The following PAQR3 variants were observed in gnomAD, a reference collection of about 807,000 sequenced individuals.
The protein encoded by PAQR3 is Raf kinase trapping to Golgi.
A neutral mutation model predicts 41.7 loss-of-function variants in PAQR3; 39 were observed. The ratio of observed to expected loss-of-function variants is 0.93; its 90% confidence interval spans 0.72 to 1.22. The LOEUF (loss-of-function observed/expected upper bound fraction) is 1.22, where lower values mean the gene tolerates loss of function less well. Ranked by LOEUF, PAQR3 falls within the 50% of genes most tolerant of loss-of-function variation. PAQR3 has a pLI of 0.00. For synonymous variants in PAQR3, 140 were observed against 140.6 expected, an observed-to-expected ratio of 1.00 and a Z score of 0.03; for missense variants, 366 against 385.6, an observed-to-expected ratio of 0.95 and a Z score of 0.42.
At chr4:78,909,194 T>C (rs923530503), downstream of PAQR3, among the ~76,000 whole-genome samples, 1 of 150,702 alleles carries the variant, frequency 6.6e-6, no homozygotes, top group Non-Finnish European at 1.5e-5. Context: ...CCTGCCAACA[T>C]GCCTGGCTAA....
At chr4:78,934,191 G>A (rs1215120554) in intron 2 of PAQR3, among the ~76,000 whole-genome samples, 1 of 152,064 alleles carries the variant, frequency 6.6e-6, no homozygotes, top group African/African-American at 2.4e-5. Flanking sequence ...CCAAAAATTG[G>A]AATTAATAAA....
intron 11 of PAQR3, among the ~76,000 whole-genome samples, chr4:78,901,924 C>T (rs780419642): frequency 6.6e-6 from 1 of 152,264 alleles, no homozygotes; most frequent in Admixed American, 6.5e-5. Flanking sequence ...AGACCCACCT[C>T]GTGGGCTTTA....
rs1228645376 is a variant in PAQR3 at position 78,913,627 on chromosome 4, A to C, written c.*6912T>G. 6.6e-6 allele frequency: 1 copy of C among 152,318 alleles called. No individual in the cohort carries two copies. Among genetic ancestry groups the C allele is most frequent in the Non-Finnish European group, 1.5e-5 (1 of 67,994 alleles). 9.4% of individuals were successfully genotyped at this position (152,318 alleles called of 1,614,324 possible). A position where few individuals can be genotyped will look rare whatever the true frequency, so the allele number is the denominator to read the frequency against. On this transcript the variant is annotated 3_prime_UTR_variant, in exon 6 of 6. Coordinates refer to ENST00000512733, the MANE Select transcript of PAQR3 (RefSeq NM_001040202.2). ...AGTATATTTTACGAGTAATTTTATT[A>C]GGAATCTCTTATAGTGCCCCAATGG...
At chr4:78,932,466 TG>T (rs1164288132) in intron 2 of PAQR3, among the ~76,000 whole-genome samples, 1 of 152,048 alleles carries the variant, frequency 6.6e-6, no homozygotes, top group Non-Finnish European at 1.5e-5. Context: ...GACTGTAGCT[TG>T]GAAGTAGGTA....
Position 78,916,797 on chromosome 4 carries a change from T to TATCA in PAQR3, c.*3738_*3741dup, listed in dbSNP as rs558063148. 1 of 151,948 alleles carries TATCA rather than the reference T, an allele frequency of 6.6e-6. No individual in the cohort carries two copies. Among genetic ancestry groups the TATCA allele is most frequent in the Non-Finnish European group, 1.5e-5 (1 of 67,882 alleles). The allele number at this position is 151,948 out of a possible 1,614,324, so 9.4% of individuals were successfully genotyped here. A position where few individuals can be genotyped will look rare whatever the true frequency, so the allele number is the denominator to read the frequency against. On this transcript the variant is annotated 3_prime_UTR_variant, in exon 6 of 6. Transcript: ENST00000512733. ...TAAATAACATTGTAATCCTCAATTA[T>TATCA]ATCAGAAAAGAGGCTATGACACATT...
chr4:78,902,650 A>G (rs558220462), intron 11 of PAQR3, among the ~76,000 whole-genome samples: 3 of 152,270 alleles, frequency 2.0e-5, no homozygotes, highest in Admixed American at 2.0e-4. Context: ...GATAGGTAAG[A>G]AAAGAACATC....
Position 78,915,783 on chromosome 4 carries a change from A to G in PAQR3, c.*4756T>C, listed in dbSNP as rs1326793118. The G allele has an allele frequency of 6.6e-6, 1 of 151,998 alleles. No individual in the cohort carries two copies. Among genetic ancestry groups the G allele is most frequent in the Non-Finnish European group, 1.5e-5 (1 of 67,904 alleles). The allele number at this position is 151,998 out of a possible 1,614,324, so 9.4% of individuals were successfully genotyped here. ...AAGAGAATAAGGTAGATGATAATGCAAAGGGTCATGATTTGGGGTTATTTT... is the reference window on the plus strand; with the variant it reads ...AAGAGAATAAGGTAGATGATAATGCGAAGGGTCATGATTTGGGGTTATTTT... On this transcript the variant is annotated 3_prime_UTR_variant, in exon 6 of 6. Transcript: ENST00000512733.
chr4:78,903,125 C>T (rs1734102225), intron 11 of PAQR3, among the ~76,000 whole-genome samples: 1 of 151,816 alleles, frequency 6.6e-6, no homozygotes, highest in Non-Finnish European at 1.5e-5. Flanking sequence ...CCATACAATA[C>T]CTTGCTGAAT....
rs183394796 is a variant in PAQR3, at chr4:78,900,220, T to G, written c.*836+5888A>C. 2.6e-3 allele frequency among the ~76,000 whole-genome samples: 393 copies of G among 152,350 alleles called. 1 individual carries two copies. The highest frequency in any genetic ancestry group is 4.4e-3 in the Non-Finnish European group (302 of 68,026). Reference sequence around the variant, plus strand: ...TATCTTATTGACATTTTGTTTTCTCTTTAAGAATACAGTGTATAATATAAC... The same window carrying G: ...TATCTTATTGACATTTTGTTTTCTCGTTAAGAATACAGTGTATAATATAAC... On this transcript the variant is annotated intron_variant and NMD_transcript_variant, in intron 11 of 12. Coordinates refer to the PAQR3 transcript ENST00000342820.
chr4:78,911,910 T>A lies in PAQR3; in HGVS notation c.*8629A>T, dbSNP rs1197959455. The A allele has an allele frequency of 6.2e-7, 1 of 1,613,860 alleles. No homozygotes were observed. Among genetic ancestry groups the A allele is most frequent in the Non-Finnish European group, 8.5e-7 (1 of 1,179,890 alleles). Reference sequence around the variant, plus strand: ...ATAGTGCAGATGTATTGAAAATGGATGATTTTGGTGCCGTGCCCTTTACAG... The same window carrying A: ...ATAGTGCAGATGTATTGAAAATGGAAGATTTTGGTGCCGTGCCCTTTACAG... On this transcript the variant is annotated 3_prime_UTR_variant, in exon 6 of 6. Coordinates refer to ENST00000512733, the MANE Select transcript of PAQR3 (RefSeq NM_001040202.2).
rs144653564 is a variant in PAQR3, at chr4:78,900,397, G to C, written c.*836+5711C>G. ...ACCTCTAATCCCCTCATTGTTCAAG[G>C]CTCAACTGTATATAGAAAGACTGAA... On this transcript the variant is annotated intron_variant and NMD_transcript_variant, in intron 11 of 12. Transcript: ENST00000342820. 4.4e-3 allele frequency among the ~76,000 whole-genome samples: 677 copies of C among 152,228 alleles called. 2 individuals carry two copies. The highest frequency in any genetic ancestry group is 0.015 in the African/African-American group (640 of 41,554).
chr4:78,927,588 G>A (rs1482291041), intron 3 of PAQR3, among the ~76,000 whole-genome samples: 2 of 152,254 alleles, frequency 1.3e-5, no homozygotes, highest in African/African-American at 4.8e-5. Context: ...AGGAAAGCCT[G>A]ACTGTTTTTG....
chr4:78,939,023 A>G lies in PAQR3; in HGVS notation c.185+17T>C. On this transcript the variant is annotated intron_variant, in intron 1 of 5. Coordinates refer to ENST00000512733, the MANE Select transcript of PAQR3 (RefSeq NM_001040202.2). Reference sequence around the variant, plus strand: ...TGAGAGAAGGGGGCACTCCAGGCGGAGGCAGCCAGACCGTACCTTTTGATA... The same window carrying G: ...TGAGAGAAGGGGGCACTCCAGGCGGGGGCAGCCAGACCGTACCTTTTGATA... The G allele has an allele frequency of 6.4e-7, 1 of 1,572,278 alleles. No individual in the cohort carries two copies. Among genetic ancestry groups the G allele is most frequent in the Non-Finnish European group, 8.7e-7 (1 of 1,151,290 alleles).
At chr4:78,893,776 G>A (rs775007622) in intron 11 of PAQR3, among the ~76,000 whole-genome samples, 7 of 152,118 alleles carry the variant, frequency 4.6e-5, no homozygotes, top group Non-Finnish European at 7.3e-5. Context: ...TGTTGCCCAG[G>A]TTCGTCTTGA....
intron 2 of PAQR3, among the ~76,000 whole-genome samples, chr4:78,932,000 C>G (rs919554838): frequency 6.6e-6 from 1 of 152,142 alleles, no homozygotes; most frequent in East Asian, 1.9e-4. Context: ...AACACTGAGA[C>G]AGTGACAGTG....
Position 78,912,700 on chromosome 4 carries a change from A to G in PAQR3, c.*7839T>C, listed in dbSNP as rs1317941767. 2 of 152,214 alleles carry G rather than the reference A, an allele frequency of 1.3e-5. 1 individual carries two copies. The highest frequency in any genetic ancestry group is 3.8e-4 in the East Asian group (2 of 5,202). 9.4% of individuals were successfully genotyped at this position (152,214 alleles called of 1,614,324 possible). A position where few individuals can be genotyped will look rare whatever the true frequency, so the allele number is the denominator to read the frequency against. On this transcript the variant is annotated 3_prime_UTR_variant, in exon 6 of 6. Transcript: ENST00000512733. ...GTAATTAGCTCAATTTAACTATTCC[A>G]CAACTTACATATTCCAAAACAATGT... is the stretch of plus-strand genomic sequence containing the variant.
At chr4:78,929,757 T>G (rs1174248912) in intron 3 of PAQR3, among the ~76,000 whole-genome samples, 3 of 152,076 alleles carry the variant, frequency 2.0e-5, no homozygotes, top group Non-Finnish European at 4.4e-5. Context: ...TTTTTTTCAC[T>G]GAGAGGAGAA....
chr4:78,914,029 CAT>C lies in PAQR3; in HGVS notation c.*6508_*6509del, dbSNP rs1560563912. On this transcript the variant is annotated 3_prime_UTR_variant, in exon 6 of 6. Coordinates refer to ENST00000512733, the MANE Select transcript of PAQR3 (RefSeq NM_001040202.2). ...TAAAAGTGAAGAGTTGATGATTACA[CAT>C]AGTAAATTCATGAACTACAGTAGGT... 1.3e-5 allele frequency: 2 copies of C among 151,678 alleles called. No individual in the cohort carries two copies. The highest frequency in any genetic ancestry group is 2.9e-5 in the Non-Finnish European group (2 of 67,932). The allele number at this position is 151,678 out of a possible 1,614,324, so 9.4% of individuals were successfully genotyped here.
chr4:78,922,058 T>C, intron 5 of PAQR3: 1 of 1,027,082 alleles, frequency 9.7e-7, no homozygotes, highest in African/African-American at 1.7e-5. Context: ...TTTCATGGTT[T>C]AGTGTTCTAC....
Sources: allele counts gnomAD v4.1 joint callset (sites outside exome capture counted in the v4.1 genomes callset), GRCh38; gene constraint gnomAD v4.1.1; transcripts MANE v1.5; gene names NCBI Gene and HGNC (gene_info 2026-07-23, HGNC 2026-07-21).